The following CELSR1 variants were observed in gnomAD, a reference collection of about 807,000 sequenced individuals.
CELSR1 encodes cadherin EGF LAG seven-pass G-type receptor 1, also known as adhesion G protein-coupled receptor C1.
CELSR1 carries 110 observed loss-of-function variants against 249.1 expected under a neutral mutation model. That is an observed-to-expected ratio of 0.44 (90% CI 0.38 to 0.52). CELSR1 has a LOEUF of 0.52. Ranked by LOEUF, CELSR1 falls within the 20% of genes least tolerant of loss-of-function variation. The pLI, the probability that CELSR1 is intolerant of heterozygous loss-of-function variation, is 0.00. For synonymous variants in CELSR1, 2,113 were observed against 1,900.0 expected, an observed-to-expected ratio of 1.11 and a Z score of -2.92; for missense variants, 4,109 against 4,296.4, an observed-to-expected ratio of 0.96 and a Z score of 1.22.
In CELSR1 at chr22:46,441,193, T is replaced by TG; in HGVS notation, c.4184-1783dup. On this transcript the variant is annotated intron_variant, in intron 2 of 34. Coordinates refer to ENST00000674500, the MANE Select transcript of CELSR1 (RefSeq NM_001378328.1). This position sits in a 1 kb window ranked among gnomAD's most constrained non-coding sequence, Gnocchi z 6.1. ...AGAGAGACTGCTATAAAGATGGAAC[T>TG]GGGGGGACATCCAATGTGAGGATAC... Among the ~76,000 whole-genome samples the TG allele has an allele frequency of 6.7e-6, 1 of 149,044 alleles. No homozygotes were observed. The highest frequency in any genetic ancestry group is 1.5e-5 in the Non-Finnish European group (1 of 67,528).
chr22:46,493,562 A>G (rs958614387), intron 1 of CELSR1, among the ~76,000 whole-genome samples: 129 of 140,800 alleles, frequency 9.2e-4, no homozygotes, highest in African/African-American at 3.4e-3. Context: ...AAAAAAAAAA[A>G]GATTAAAATT....
intron 1 of CELSR1, among the ~76,000 whole-genome samples, chr22:46,505,322 C>T (rs990024327): frequency 2.1e-4 from 30 of 144,132 alleles, no homozygotes; most frequent in Non-Finnish European, 3.3e-4. Flanking sequence ...GCAAGGTCTG[C>T]AATCAAACAT....
At chr22:46,470,967 A>C (rs2080149834) in intron 1 of CELSR1, among the ~76,000 whole-genome samples, 1 of 152,170 alleles carries the variant, frequency 6.6e-6, no homozygotes, top group Non-Finnish European at 1.5e-5. Flanking sequence ...TCTACTAAAA[A>C]TACAAAGATT....
intron 1 of CELSR1, among the ~76,000 whole-genome samples, chr22:46,504,288 C>T (rs5768855): frequency 0.8 from 121,800 of 152,036 alleles, 48,965 homozygotes; most frequent in East Asian, 0.98. Context: ...CCAAGGCAGG[C>T]GGATCACAAG....
chr22:46,469,198 CAG>C (rs1244910620), intron 1 of CELSR1, among the ~76,000 whole-genome samples: 1 of 152,210 alleles, frequency 6.6e-6, no homozygotes, highest in African/African-American at 2.4e-5. Flanking sequence ...ATGTGGCAGC[CAG>C]AGAGGTCTTC....
chr22:46,498,455 C>T (rs1431145870), intron 1 of CELSR1, among the ~76,000 whole-genome samples: 1 of 150,208 alleles, frequency 6.7e-6, no homozygotes, highest in Admixed American at 6.6e-5. Context: ...ACTAAAAATA[C>T]AAAAAAATTA....
chr22:46,470,411 TG>T (rs1381537658), intron 1 of CELSR1, among the ~76,000 whole-genome samples: 1 of 151,814 alleles, frequency 6.6e-6, no homozygotes, highest in Non-Finnish European at 1.5e-5. Context: ...GGGGCCTTCC[TG>T]GGGGCAGCCC....
intron 22 of CELSR1, among the ~76,000 whole-genome samples, chr22:46,379,787 G>A (rs1468249026): frequency 1.3e-5 from 2 of 152,168 alleles, no homozygotes; most frequent in African/African-American, 4.8e-5. Flanking sequence ...GTCCCCAGAT[G>A]CACAACGCTC....
In CELSR1 at chr22:46,434,195, G is replaced by A. The variant is rs535825843; in HGVS notation, c.4523-714C>T. Among the ~76,000 whole-genome samples the A allele has an allele frequency of 2.6e-5, 4 of 152,190 alleles. No homozygotes were observed. Among genetic ancestry groups the A allele is most frequent in the South Asian group, 4.1e-4 (2 of 4,826 alleles). ...TAACAACTCTTAAACCACGTAACACGTCCCATCGTGAGGTCGCGGACGCGT... is the reference window on the plus strand; with the variant it reads ...TAACAACTCTTAAACCACGTAACACATCCCATCGTGAGGTCGCGGACGCGT... On this transcript the variant is annotated intron_variant, in intron 4 of 34. Coordinates refer to ENST00000674500, the MANE Select transcript of CELSR1 (RefSeq NM_001378328.1). This position sits in a 1 kb window ranked among gnomAD's most constrained non-coding sequence, Gnocchi z 4.9.
Position 46,527,124 on chromosome 22 carries a change from G to A in CELSR1, c.3544+6503C>T, listed in dbSNP as rs968906795. On this transcript the variant is annotated intron_variant, in intron 1 of 34. Coordinates refer to ENST00000674500, the MANE Select transcript of CELSR1 (RefSeq NM_001378328.1). This position sits in a 1 kb window ranked among gnomAD's most constrained non-coding sequence, Gnocchi z 5.5. ...TTTGCTCATCTCTAGGATGGAGGTG[G>A]CGACGGTACTTTCCATACCACAGTG... Among the ~76,000 whole-genome samples, 2 of 152,186 alleles carry A rather than the reference G, an allele frequency of 1.3e-5. No individual in the cohort carries two copies. The highest frequency in any genetic ancestry group is 4.8e-5 in the African/African-American group (2 of 41,426).
intron 2 of CELSR1, among the ~76,000 whole-genome samples, chr22:46,450,931 G>A (rs937482735): frequency 2.6e-5 from 4 of 152,110 alleles, no homozygotes; most frequent in Non-Finnish European, 5.9e-5. Context: ...CATTTGGTAC[G>A]GCTGTGAGCT....
intron 1 of CELSR1, among the ~76,000 whole-genome samples, chr22:46,533,144 G>A (rs967563603): frequency 2.0e-5 from 3 of 152,124 alleles, no homozygotes; most frequent in East Asian, 1.9e-4. Context: ...AGGGAACACC[G>A]GCTGCATTAT....
chr22:46,402,139 G>C lies in CELSR1; in HGVS notation c.5227-2237C>G, dbSNP rs2079216191. On this transcript the variant is annotated intron_variant, in intron 9 of 34. Transcript: ENST00000674500. The surrounding 1 kb of genome is among the most constrained non-coding windows in gnomAD (Gnocchi z 5.0). ...GACTGCATTCAAGTGCTCTGGGAGG[G>C]AAAGTGCTCCTAGTGGTTGCCAGAA... is the stretch of plus-strand genomic sequence containing the variant. Among the ~76,000 whole-genome samples the C allele has an allele frequency of 6.6e-6, 1 of 151,934 alleles. No individual in the cohort carries two copies. Among genetic ancestry groups the C allele is most frequent in the African/African-American group, 2.4e-5 (1 of 41,384 alleles).
In CELSR1 at chr22:46,526,849, A is replaced by T. The variant is rs1382071113; in HGVS notation, c.3544+6778T>A. Among the ~76,000 whole-genome samples the T allele has an allele frequency of 6.6e-6, 1 of 152,138 alleles. No homozygotes were observed. The highest frequency in any genetic ancestry group is 1.5e-5 in the Non-Finnish European group (1 of 68,018). ...CCAGTCTGGACCTGCACACACAATC[A>T]ACTTCAGGACACTCTCAAAGACGCC... On this transcript the variant is annotated intron_variant, in intron 1 of 34. Coordinates refer to ENST00000674500, the MANE Select transcript of CELSR1 (RefSeq NM_001378328.1). The surrounding 1 kb of genome is among the most constrained non-coding windows in gnomAD (Gnocchi z 4.7).
rs1359869283 is a variant in CELSR1 at position 46,448,635 on chromosome 22, T to A, written c.4184-9224A>T. 1 of 401,786 alleles carries A rather than the reference T, an allele frequency of 2.5e-6. No individual in the cohort carries two copies. Among genetic ancestry groups the A allele is most frequent in the African/African-American group, 2.1e-5 (1 of 47,608 alleles). 24.9% of individuals were successfully genotyped at this position (401,786 alleles called of 1,614,324 possible). A position where few individuals can be genotyped will look rare whatever the true frequency, so the allele number is the denominator to read the frequency against. On this transcript the variant is annotated intron_variant, in intron 2 of 34. Coordinates refer to ENST00000674500, the MANE Select transcript of CELSR1 (RefSeq NM_001378328.1). This position sits in a 1 kb window ranked among gnomAD's most constrained non-coding sequence, Gnocchi z 5.7. ...ACAATGGTAAAACTCAAGCACTTGA[T>A]GAAGGCTTAGTTTATGCAGAATTAA...
At position 46,380,810 on chromosome 22, in the gene CELSR1, C is replaced by T. The variant is rs147639520; in HGVS notation, c.7234G>A (p.Val2412Met). 132 of 1,612,934 alleles carry T rather than the reference C, an allele frequency of 8.2e-5. 1 individual carries two copies. The East Asian group carries it at 1.9e-3, about 24-fold the overall frequency. The change falls in exon 22 of 35, where the codon GTG becomes ATG. Residue 2412 changes from valine to methionine, a missense_variant. This residue lies in a region of CELSR1 where 1,805 missense variants were observed against 1,831.6 expected (regional missense o/e 0.99). Coordinates refer to ENST00000674500, the MANE Select transcript of CELSR1 (RefSeq NM_001378328.1). The surrounding 1 kb of genome is among the most constrained non-coding windows in gnomAD (Gnocchi z 5.1). Reference sequence around the variant, plus strand: ...TACGCCAGGGAGTGGTTCCAGAACACGCAGACAGGCTTGGTTCGCTCCTCC... The same window carrying T: ...TACGCCAGGGAGTGGTTCCAGAACATGCAGACAGGCTTGGTTCGCTCCTCC... ...EVEERTKPVC[V>M]FWNHSLAVGG...
At chr22:46,499,879 C>T (rs1226024043) in intron 1 of CELSR1, among the ~76,000 whole-genome samples, 1 of 152,096 alleles carries the variant, frequency 6.6e-6, no homozygotes, top group Non-Finnish European at 1.5e-5. Flanking sequence ...CGTCTGCAAA[C>T]CCCTCTCCTA....
rs1238248716 is a variant in CELSR1, at chr22:46,377,214, G to A, written c.7431C>T (p.Ser2477=). ...CCACCAGCAGGGCTGCCAGTGACAAGGACACAGCGGCATAGGTGACAATCT... is the reference window on the plus strand; with the variant it reads ...CCACCAGCAGGGCTGCCAGTGACAAAGACACAGCGGCATAGGTGACAATCT... The part of the protein sequence containing the change: ...PLKIVTYAAV[S]LSLAALLVAF... Residue 2477 remains serine (S), a synonymous_variant, in exon 24 of 35, where the codon TCC becomes TCT. Transcript: ENST00000674500. 4 of 1,613,928 alleles carry A rather than the reference G, an allele frequency of 2.5e-6. No homozygotes were observed. The African/African-American group carries it at 4.0e-5, about 16-fold the overall frequency.
intron 1 of CELSR1, among the ~76,000 whole-genome samples, chr22:46,503,424 A>T (rs2080484875): frequency 1.3e-5 from 2 of 152,160 alleles, no homozygotes; most frequent in South Asian, 4.1e-4. Flanking sequence ...TGCCATCCCC[A>T]TGGTGGTGAG....
Sources: gnomAD v4.1 joint callset for allele counts (sites outside exome capture counted in the v4.1 genomes callset) on GRCh38, gnomAD v4.1.1 for gene constraint, gnomAD v4.1.1 regional missense constraint, Gnocchi (gnomAD v3.1) non-coding constraint, MANE v1.5 for transcripts, NCBI Gene and HGNC (gene_info 2026-07-23, HGNC 2026-07-21) for gene names.